SYK: variants seen among roughly 807,000 people sequenced by gnomAD.
The protein encoded by SYK is tyrosine-protein kinase SYK.
A neutral mutation model predicts 77.8 loss-of-function variants in SYK; 16 were observed. The observed-to-expected ratio is 0.21, with a 90% CI of 0.14 to 0.31. The LOEUF (loss-of-function observed/expected upper bound fraction) is 0.31. SYK is among the 10% of genes least tolerant of loss of function. The pLI, the probability that SYK is intolerant of heterozygous loss-of-function variation, is 1.00. For missense variants in SYK, 529 were observed against 814.4 expected (o/e 0.65, Z 4.26); for synonymous variants, 312 against 308.7 (o/e 1.01, Z -0.11).
intron 1 of SYK, among the ~76,000 whole-genome samples, chr9:90,827,031 T>C (rs997685307): frequency 1.3e-5 from 2 of 152,044 alleles, no homozygotes; most frequent in Admixed American, 6.6e-5. Flanking sequence ...TCAAGGATGC[T>C]CTTCCTATTT....
At chr9:90,864,713 ACAAT>A in intron 5 of SYK, 46 bp downstream of exon 5, 2 of 1,545,084 alleles carry the variant, frequency 1.3e-6, no homozygotes, top group Non-Finnish European at 1.8e-6. Flanking sequence ...GGTATCAGTG[ACAAT>A]CAGCCTCATT....
rs10680406 is a variant in SYK, at chr9:90,865,891, C to CTTTTTTTTTTTTT, written c.846+807_846+819dup. Among the ~76,000 whole-genome samples the CTTTTTTTTTTTTT allele has an allele frequency of 9.8e-5, 6 of 61,268 alleles. 2 individuals carry two copies. The highest frequency in any genetic ancestry group is 1.4e-4 in the African/African-American group (2 of 14,110). The allele number at this position is 61,268 out of a possible 152,430, so 40.2% of individuals were successfully genotyped here. On this transcript the variant is annotated intron_variant, in intron 6 of 13. Transcript: ENST00000375754. The stretch of plus-strand genomic sequence containing the variant: ...CTCTTTTCTTGGGGCTACATATGGC[C>CTTTTTTTTTTTTT]TTTTTTTTTTTTTTTTTTTTTTTTT...
intron 1 of SYK, among the ~76,000 whole-genome samples, chr9:90,840,235 A>G (rs546709541): frequency 2.5e-4 from 38 of 152,330 alleles, no homozygotes; most frequent in African/African-American, 8.7e-4. Flanking sequence ...AGGTGGCATC[A>G]GAACCCAGCA....
intron 13 of SYK, among the ~76,000 whole-genome samples, chr9:90,889,898 G>A (rs1172141509): frequency 6.6e-6 from 1 of 152,242 alleles, no homozygotes; most frequent in East Asian, 1.9e-4. Flanking sequence ...TGGACCCTGG[G>A]GAGGGCAGCC....
At chr9:90,858,552 T>C (rs1388631380) in intron 3 of SYK, among the ~76,000 whole-genome samples, 1 of 152,230 alleles carries the variant, frequency 6.6e-6, no homozygotes, top group Non-Finnish European at 1.5e-5. Context: ...TCTCTGGGTG[T>C]CTGTAGAGCC....
At chr9:90,823,778 T>C (rs1243059626) in intron 1 of SYK, among the ~76,000 whole-genome samples, 3 of 152,044 alleles carry the variant, frequency 2.0e-5, no homozygotes, top group African/African-American at 7.2e-5. Flanking sequence ...TAGAACTAAG[T>C]GCACACATTA....
intron 1 of SYK, among the ~76,000 whole-genome samples, chr9:90,833,246 T>G (rs61241768): frequency 0.011 from 1,635 of 152,338 alleles, 32 homozygotes; most frequent in African/African-American, 0.037. Context: ...CTGCCTGCCA[T>G]GTATACATTT....
At chr9:90,828,236 C>CCT (rs1564076543) in intron 1 of SYK, among the ~76,000 whole-genome samples, 1 of 7,468 alleles carries the variant, frequency 1.3e-4, no homozygotes, top group Non-Finnish European at 2.5e-4. Flanking sequence ...CTCACCCCCG[C>CCT]CCCCCCCCCC....
At chr9:90,854,810 C>A (rs1354471819) in intron 3 of SYK, among the ~76,000 whole-genome samples, 1 of 152,022 alleles carries the variant, frequency 6.6e-6, no homozygotes, top group Non-Finnish European at 1.5e-5. Context: ...ACCTTCCTTC[C>A]CCTGTCCATT....
chr9:90,801,601 C>T (rs1450794326), upstream of SYK, among the ~76,000 whole-genome samples: 2 of 152,302 alleles, frequency 1.3e-5, no homozygotes, highest in African/African-American at 4.8e-5. Flanking sequence ...GCGCGCCCCA[C>T]CCGGGCTCCT....
chr9:90,849,932 A>G (rs1826751253), intron 3 of SYK, among the ~76,000 whole-genome samples: 1 of 152,258 alleles, frequency 6.6e-6, no homozygotes, highest in Non-Finnish European at 1.5e-5. Flanking sequence ...CCACTCCTGC[A>G]GTGGCCTGGA....
chr9:90,876,366 A>ATG (rs10589163), intron 9 of SYK, among the ~76,000 whole-genome samples: 2 of 151,620 alleles, frequency 1.3e-5, no homozygotes, highest in Non-Finnish European at 2.9e-5. Flanking sequence ...GTTTTTGTGC[A>ATG]TGTGTGTGTG....
chr9:90,838,277 T>C (rs1432746486), intron 1 of SYK, among the ~76,000 whole-genome samples: 1 of 152,172 alleles, frequency 6.6e-6, no homozygotes, highest in Non-Finnish European at 1.5e-5. Context: ...GTGAACAAGG[T>C]CATCCTATTC....
chr9:90,856,871 T>A (rs1827057190), intron 3 of SYK, among the ~76,000 whole-genome samples: 1 of 152,228 alleles, frequency 6.6e-6, no homozygotes, highest in Non-Finnish European at 1.5e-5. Context: ...TCCTGAGTAT[T>A]CGATGCTGGG....
chr9:90,887,470 A>G (rs1371760725), intron 11 of SYK, among the ~76,000 whole-genome samples: 1 of 135,380 alleles, frequency 7.4e-6, no homozygotes, highest in Non-Finnish European at 1.5e-5. Context: ...CAGTGGTGTG[A>G]TCTGAGATCA....
At chr9:90,843,542 C>T (rs1289234030) in intron 1 of SYK, among the ~76,000 whole-genome samples, 1 of 152,104 alleles carries the variant, frequency 6.6e-6, no homozygotes, top group Non-Finnish European at 1.5e-5. Context: ...TTGCAATAGC[C>T]CTTCTGTTTG....
At chr9:90,829,162 C>T (rs541915019) in intron 1 of SYK, among the ~76,000 whole-genome samples, 15 of 152,012 alleles carry the variant, frequency 9.9e-5, no homozygotes, top group South Asian at 8.3e-4. Flanking sequence ...TGGTGGTGTG[C>T]GCTGTAGTCC....
rs760930862 is a variant in SYK at position 90,877,789 on chromosome 9, A to G, written c.1391+9A>G. 2 of 1,613,894 alleles carry G rather than the reference A, an allele frequency of 1.2e-6. No individual in the cohort carries two copies. Among genetic ancestry groups the G allele is most frequent in the South Asian group, 1.1e-5 (1 of 91,040 alleles). ...TATTTGCAGCAGAACAGGTATTGTC[A>G]GGTGCCCCCACACATCTGGAAGCTA... On this transcript the variant is annotated intron_variant, in intron 10 of 13. Transcript: ENST00000375754.
At chr9:90,857,762 C>T (rs542870599) in intron 3 of SYK, among the ~76,000 whole-genome samples, 1 of 152,332 alleles carries the variant, frequency 6.6e-6, no homozygotes, top group South Asian at 2.1e-4. Context: ...TGGGAGATGG[C>T]TCTGAGTGAG....
Sources: gnomAD v4.1 joint callset for allele counts (sites outside exome capture counted in the v4.1 genomes callset) on GRCh38, gnomAD v4.1.1 for gene constraint, MANE v1.5 for transcripts, NCBI Gene and HGNC (gene_info 2026-07-23, HGNC 2026-07-21) for gene names.